RORC: variants seen among roughly 807,000 people sequenced by gnomAD.
RORC encodes nuclear receptor ROR-gamma.
A neutral mutation model predicts 64.5 loss-of-function variants in RORC; 13 were observed. The ratio of observed to expected loss-of-function variants is 0.20; its 90% CI spans 0.13 to 0.32. The LOEUF is 0.32. RORC is among the 10% of genes least tolerant of loss of function. The probability of loss-of-function intolerance (pLI) is 1.00; values close to 1 mark genes in which losing one functional copy is unlikely to be tolerated. For synonymous variants in RORC, 277 were observed against 259.3 expected, an observed-to-expected ratio of 1.07 and a Z score of -0.65; for missense variants, 468 against 669.5, an observed-to-expected ratio of 0.70 and a Z score of 3.32.
chr1:151,823,935 C>T (rs1572044825), intron 2 of RORC, among the ~76,000 whole-genome samples: 1 of 152,218 alleles, frequency 6.6e-6, no homozygotes, highest in Admixed American at 6.5e-5. Flanking sequence ...CCGGCTGCAC[C>T]TCCATGCGTT....
intron 2 of RORC, among the ~76,000 whole-genome samples, chr1:151,828,606 G>T (rs1464945730): frequency 6.6e-6 from 1 of 152,188 alleles, no homozygotes; most frequent in Non-Finnish European, 1.5e-5. Context: ...CTCTAGTCCT[G>T]CACAGGCTGG....
chr1:151,828,111 G>A (rs905689127), intron 2 of RORC, among the ~76,000 whole-genome samples: 6 of 152,180 alleles, frequency 3.9e-5, no homozygotes, highest in African/African-American at 1.4e-4. Flanking sequence ...TAGCATCCTG[G>A]ATGGCCCTCA....
At chr1:151,828,199 A>C (rs1470195524) in intron 2 of RORC, among the ~76,000 whole-genome samples, 1 of 152,156 alleles carries the variant, frequency 6.6e-6, no homozygotes, top group Non-Finnish European at 1.5e-5. Context: ...GGGAGGCTCT[A>C]GACAATTTTG....
At chr1:151,831,382 C>T (rs1293985316) in intron 1 of RORC, among the ~76,000 whole-genome samples, 1 of 152,180 alleles carries the variant, frequency 6.6e-6, no homozygotes, top group Non-Finnish European at 1.5e-5. Context: ...AAGCCCACAC[C>T]TGGGAGGGCC....
intron 2 of RORC, among the ~76,000 whole-genome samples, chr1:151,817,489 G>A (rs1314172003): frequency 6.6e-6 from 1 of 152,254 alleles, no homozygotes. Context: ...TTGTTTCACA[G>A]AGGAGGGGAG....
rs201599644 is a variant in RORC at position 151,818,611 on chromosome 1, GCA to G, written c.71-1333_71-1332del. On this transcript the variant is annotated intron_variant, in intron 2 of 10. Transcript: ENST00000318247. ...GTAGGTGTTTTTAGCATTTCCCAGAGCACATGGGTCTCTTTTCCACCATCACT... is the reference window on the plus strand; with the variant it reads ...GTAGGTGTTTTTAGCATTTCCCAGAGCATGGGTCTCTTTTCCACCATCACT... Among the ~76,000 whole-genome samples, 48 of 152,344 alleles carry G rather than the reference GCA, an allele frequency of 3.2e-4. No homozygotes were observed. The East Asian group carries it at 9.3e-3, about 29-fold the overall frequency.
intron 2 of RORC, among the ~76,000 whole-genome samples, chr1:151,817,715 A>G (rs1166560787): frequency 1.3e-5 from 2 of 152,168 alleles, no homozygotes; most frequent in African/African-American, 4.8e-5. Flanking sequence ...CCATGGGCAA[A>G]GTGTAGGGTA....
At chr1:151,814,506 G>A in intron 6 of RORC, 68 bp downstream of exon 6, 3 of 1,534,194 alleles carry the variant, frequency 2.0e-6, no homozygotes, top group South Asian at 2.5e-5. Context: ...TCGTGCGCAG[G>A]TAGCCATCTC....
chr1:151,828,140 C>T (rs1328090948), intron 2 of RORC, among the ~76,000 whole-genome samples: 1 of 152,142 alleles, frequency 6.6e-6, no homozygotes, highest in Admixed American at 6.5e-5. Flanking sequence ...CTGCCCAGCT[C>T]ATGGAGAAGG....
chr1:151,816,294 G>A lies in RORC; in HGVS notation c.298+370C>T, dbSNP rs536308698. 2.0e-5 allele frequency among the ~76,000 whole-genome samples: 3 copies of A among 152,338 alleles called. No homozygotes were observed. The East Asian group carries it at 5.8e-4, about 29-fold the overall frequency. On this transcript the variant is annotated intron_variant, in intron 4 of 10. Transcript: ENST00000318247. ...GTCCAAGTATGGGAATGGGGGATTA[G>A]AAAAGGAGATAGAGCTAGAACTACA...
chr1:151,831,209 G>A (rs1177512337), intron 1 of RORC: 9 of 1,006,474 alleles, frequency 8.9e-6, no homozygotes, highest in African/African-American at 1.7e-5. Context: ...GCAGCTGACA[G>A]GGTGTGGTTC....
chr1:151,814,369 A>G (rs1651661060), intron 6 of RORC: 1 of 542,142 alleles, frequency 1.8e-6, no homozygotes, highest in Non-Finnish European at 3.3e-6. Context: ...GCAAGAACTA[A>G]GGAAAAGCGC....
intron 2 of RORC, among the ~76,000 whole-genome samples, chr1:151,822,724 C>A (rs1572043851): frequency 1.3e-5 from 2 of 152,350 alleles, no homozygotes; most frequent in Middle Eastern, 6.8e-3. Flanking sequence ...GTAGTGGACC[C>A]AGAAAGACCT....
At chr1:151,822,200 C>T (rs1652020408) in intron 2 of RORC, among the ~76,000 whole-genome samples, 1 of 151,866 alleles carries the variant, frequency 6.6e-6, no homozygotes, top group Non-Finnish European at 1.5e-5. Context: ...TTGCACACCC[C>T]AACCTGTCAC....
intron 2 of RORC, among the ~76,000 whole-genome samples, chr1:151,828,949 C>A (rs7536508): frequency 1 from 149,660 of 149,802 alleles, 74,759 homozygotes; most frequent in Non-Finnish European, 1. Context: ...ATCGTACTCC[C>A]GCCCAGGCGA....
rs201373806 is a variant in RORC, at chr1:151,816,775, C to T, written c.187G>A (p.Ala63Thr). The change falls in exon 4 of 11, where the codon GCG becomes ACG. Residue 63 changes from alanine to threonine, a missense_variant. Coordinates refer to ENST00000318247, the MANE Select transcript of RORC (RefSeq NM_005060.4). The stretch of plus-strand genomic sequence containing the variant: ...TGCTGACGGGTGCAGGAGTAGGCCG[C>T]GTTACAGCGCTGGCTCCGGCGGAAG... Reference protein sequence around the residue: ...GFFRRSQRCNAAYSCTRQQNC... With the variant: ...GFFRRSQRCNTAYSCTRQQNC... 3.3e-5 allele frequency: 52 copies of T among 1,565,084 alleles called. No individual in the cohort carries two copies. The highest frequency in any genetic ancestry group is 3.5e-5 in the Non-Finnish European group (40 of 1,151,374).
At chr1:151,816,889 G>T in intron 3 of RORC, 84 bp from the exon 4 acceptor site, 1 of 1,385,316 alleles carries the variant, frequency 7.2e-7, no homozygotes, top group Non-Finnish European at 9.5e-7. Flanking sequence ...ACAAGCTCTG[G>T]CAGCTTTTCT....
chr1:151,825,999 G>A (rs201221262), intron 2 of RORC: 1 of 1,608,142 alleles, frequency 6.2e-7, no homozygotes. Context: ...TGGTCCAGGA[G>A]TGGGGTGCAG....
Position 151,830,982 on chromosome 1 carries a change from C to G in RORC, c.40+743G>C. The G allele has an allele frequency of 7.8e-7, 1 of 1,289,318 alleles. No individual in the cohort carries two copies. The highest frequency in any genetic ancestry group is 1.0e-6 in the Non-Finnish European group (1 of 988,818). 79.9% of individuals were successfully genotyped at this position (1,289,318 alleles called of 1,614,324 possible). On this transcript the variant is annotated intron_variant, in intron 1 of 10. Coordinates refer to ENST00000318247, the MANE Select transcript of RORC (RefSeq NM_005060.4). The surrounding 1 kb of genome is among the most constrained non-coding windows in gnomAD (Gnocchi z 4.0). ...GGCCCTGGAGCTTGGTGGCTCTGGC[C>G]CTCAAACTTTCCTCCTCCATGCTCA...
Sources: allele counts gnomAD v4.1 joint callset (sites outside exome capture counted in the v4.1 genomes callset), GRCh38; gene constraint gnomAD v4.1.1; non-coding constraint Gnocchi (gnomAD v3.1); transcripts MANE v1.5; gene names NCBI Gene and HGNC (gene_info 2026-07-23, HGNC 2026-07-21).